Variants in SNX25 observed in about 807,000 individuals in gnomAD.
The protein encoded by SNX25 is sorting nexin-25.
A neutral mutation model predicts 113.7 loss-of-function variants in SNX25; 62 were observed. The observed-to-expected ratio is 0.55, with a 90% CI of 0.44 to 0.67. The LOEUF is 0.67. SNX25 is among the 30% of genes least tolerant of loss of function. SNX25 has a pLI of 0.00. For missense variants in SNX25, 1,014 were observed against 1,161.0 expected (o/e 0.87, Z 1.84); for synonymous variants, 421 against 436.2 (o/e 0.97, Z 0.43).
At chr4:185,376,795 A>T in the SNX25 span, 1 of 691,302 alleles carries the variant, frequency 1.4e-6, no homozygotes, top group Non-Finnish European at 2.5e-6. Flanking sequence ...TAGTCGATGT[A>T]ATTGGACAGA....
intron 6 of SNX25, among the ~76,000 whole-genome samples, chr4:185,290,528 A>G (rs991409739): frequency 6.6e-6 from 1 of 152,224 alleles, no homozygotes; most frequent in Non-Finnish European, 1.5e-5. Context: ...TCTGCATAGT[A>G]TAATGCTCCA....
intron 2 of SNX25, among the ~76,000 whole-genome samples, chr4:185,252,828 A>G (rs1024994267): frequency 1.3e-5 from 2 of 152,214 alleles, no homozygotes; most frequent in Admixed American, 6.5e-5. Context: ...CTGTGGAACA[A>G]TATGAAATAC....
At chr4:185,206,022 A>C (rs568500438), upstream of SNX25, among the ~76,000 whole-genome samples, 5 of 152,370 alleles carry the variant, frequency 3.3e-5, no homozygotes, top group Admixed American at 3.3e-4. Flanking sequence ...AAGGATTGGC[A>C]AGAATGTGGA....
At chr4:185,242,650 G>T (rs1744243907) in intron 1 of SNX25, among the ~76,000 whole-genome samples, 2 of 152,160 alleles carry the variant, frequency 1.3e-5, no homozygotes, top group Admixed American at 1.3e-4. Context: ...ATGTTCAGCT[G>T]TCCCGAAGCT....
intron 14 of SNX25, among the ~76,000 whole-genome samples, chr4:185,352,582 G>A (rs1419828036): frequency 6.6e-6 from 1 of 152,138 alleles, no homozygotes; most frequent in African/African-American, 2.4e-5. Flanking sequence ...ATATGACTCA[G>A]TCACTCTATG....
At chr4:185,351,324 C>T (rs6835350) in intron 13 of SNX25, 121 bp from the exon 14 acceptor site, 42 of 998,234 alleles carry the variant, frequency 4.2e-5, no homozygotes, top group African/African-American at 3.4e-4. Flanking sequence ...AAGTGGTTTT[C>T]GGTTCAGAAG....
At chr4:185,240,386 G>C (rs1318520344) in intron 1 of SNX25, among the ~76,000 whole-genome samples, 2 of 150,364 alleles carry the variant, frequency 1.3e-5, no homozygotes, top group Non-Finnish European at 3.0e-5. Context: ...GCGGCTGGCC[G>C]GGCGGGGGGC....
At chr4:185,216,644 C>T (rs1172154115) in intron 1 of SNX25, among the ~76,000 whole-genome samples, 3 of 151,354 alleles carry the variant, frequency 2.0e-5, no homozygotes, top group Admixed American at 1.3e-4. Context: ...CTCAGCCTCC[C>T]GAGTCACTGG....
chr4:185,368,843 G>A (rs2095402928), downstream of SNX25, among the ~76,000 whole-genome samples: 2 of 150,144 alleles, frequency 1.3e-5, no homozygotes, highest in South Asian at 2.1e-4. Flanking sequence ...GCCCAGGCTG[G>A]AGTGCAGCGG....
At chr4:185,254,537 T>C (rs1305425095) in intron 2 of SNX25, among the ~76,000 whole-genome samples, 1 of 152,214 alleles carries the variant, frequency 6.6e-6, no homozygotes, top group Non-Finnish European at 1.5e-5. Flanking sequence ...CTCTTTCTTA[T>C]ACTGTTTACT....
the SNX25 span, chr4:185,378,424 C>T: frequency 3.7e-5 from 50 of 1,337,198 alleles, no homozygotes; most frequent in Non-Finnish European, 4.8e-5. Flanking sequence ...TGTCATTTTC[C>T]ACAGCATCGC....
At chr4:185,346,448 A>G in intron 12 of SNX25, 89 bp from the exon 13 acceptor site, 1 of 873,282 alleles carries the variant, frequency 1.1e-6, no homozygotes, top group Non-Finnish European at 1.8e-6. Flanking sequence ...GGAGGAGGAT[A>G]TTTGTTTTGT....
Position 185,295,938 on chromosome 4 carries a change from C to T in SNX25, c.1162+7856C>T, listed in dbSNP as rs368825433. The T allele has an allele frequency of 1.1e-4, 17 of 152,298 alleles. No individual in the cohort carries two copies. In the East Asian group the frequency reaches 1.3e-3, roughly 12 times the overall value. 9.4% of individuals were successfully genotyped at this position (152,298 alleles called of 1,614,324 possible). A position where few individuals can be genotyped will look rare whatever the true frequency, so the allele number is the denominator to read the frequency against. On this transcript the variant is annotated intron_variant, in intron 6 of 18. Coordinates refer to ENST00000652585, the MANE Select transcript of SNX25 (RefSeq NM_001378034.2). ...TTCCTGCTGCTATGACAAAATACCA[C>T]AAACTGGGTATTTACTATAAAGAAG...
At chr4:185,320,389 C>T (rs2095110242) in intron 7 of SNX25, among the ~76,000 whole-genome samples, 1 of 152,100 alleles carries the variant, frequency 6.6e-6, no homozygotes, top group South Asian at 2.1e-4. Flanking sequence ...GAAAACCAAA[C>T]ACCACATGTT....
intron 5 of SNX25, among the ~76,000 whole-genome samples, 159 bp from the exon 6 acceptor site, chr4:185,287,853 T>G (rs1217631391): frequency 6.6e-6 from 1 of 152,214 alleles, no homozygotes; most frequent in Non-Finnish European, 1.5e-5. Flanking sequence ...CCCGGCCTAT[T>G]GTAGATGCTC....
At chr4:185,370,966 T>C (rs1243828756), downstream of SNX25, 2 of 707,674 alleles carry the variant, frequency 2.8e-6, no homozygotes, top group African/African-American at 3.6e-5. Context: ...AGGGTCCATG[T>C]AGGCACCTCA....
chr4:185,372,941 G>T, downstream of SNX25: 1 of 1,613,896 alleles, frequency 6.2e-7, no homozygotes. Context: ...ACGTTTCCGC[G>T]TTCTGCTGCT....
At chr4:185,252,701 A>G (rs1042592241) in intron 2 of SNX25, among the ~76,000 whole-genome samples, 2 of 151,760 alleles carry the variant, frequency 1.3e-5, no homozygotes, top group Non-Finnish European at 1.5e-5. Context: ...TTGTCACTAA[A>G]TTTGTGCTTG....
At chr4:185,227,820 G>C (rs566847284) in intron 1 of SNX25, among the ~76,000 whole-genome samples, 5 of 152,176 alleles carry the variant, frequency 3.3e-5, no homozygotes, top group Non-Finnish European at 7.3e-5. Context: ...AGGTCAATTT[G>C]TTGGTGGTCA....
Sources: allele counts gnomAD v4.1 joint callset (sites outside exome capture counted in the v4.1 genomes callset), GRCh38; gene constraint gnomAD v4.1.1; transcripts MANE v1.5; gene names NCBI Gene and HGNC (gene_info 2026-07-23, HGNC 2026-07-21).